The following GABRB1 variants were observed in gnomAD, a reference collection of about 807,000 sequenced individuals.
GABRB1 encodes gamma-aminobutyric acid type A receptor subunit beta1.
A neutral mutation model predicts 51.6 loss-of-function variants in GABRB1; 17 were observed. The ratio of observed to expected loss-of-function variants is 0.33; its 90% CI spans 0.23 to 0.49. The LOEUF is 0.49. Among genes scored for constraint, GABRB1 ranks in the 20% least tolerant of loss-of-function variants. The pLI is 0.99. For synonymous variants in GABRB1, 247 were observed against 218.9 expected, an observed-to-expected ratio of 1.13 and a Z score of -1.14; for missense variants, 410 against 600.6, an observed-to-expected ratio of 0.68 and a Z score of 3.32.
intron 3 of GABRB1, among the ~76,000 whole-genome samples, chr4:47,090,103 A>G (rs1269148277): frequency 6.6e-6 from 1 of 152,232 alleles, no homozygotes; most frequent in East Asian, 1.9e-4. Flanking sequence ...TGTTGAATAT[A>G]AAACAACTAC....
intron 3 of GABRB1, among the ~76,000 whole-genome samples, chr4:47,142,413 G>A (rs1197136443): frequency 6.6e-6 from 1 of 151,906 alleles, no homozygotes; most frequent in African/African-American, 2.4e-5. Context: ...TCAAGATAGG[G>A]ACAGAAATAA....
At chr4:47,024,375 A>T (rs908687446) in intron 1 of GABRB1, among the ~76,000 whole-genome samples, 1 of 151,976 alleles carries the variant, frequency 6.6e-6, no homozygotes, top group African/African-American at 2.4e-5. Context: ...CACAAATTAA[A>T]ACCATTCCAT....
chr4:47,092,587 T>G (rs1013052780), intron 3 of GABRB1, among the ~76,000 whole-genome samples: 6 of 151,570 alleles, frequency 4.0e-5, no homozygotes, highest in African/African-American at 1.5e-4. Flanking sequence ...TTTGCAGATA[T>G]CAGTTGGCAT....
chr4:47,127,521 G>T (rs35175599), intron 3 of GABRB1, among the ~76,000 whole-genome samples: 37,438 of 151,478 alleles, frequency 0.25, 5,945 homozygotes, highest in Middle Eastern at 0.43. Context: ...ACCATATCTA[G>T]GACTCTCACT....
intron 8 of GABRB1, among the ~76,000 whole-genome samples, chr4:47,415,929 C>G (rs768696453): frequency 1.6e-4 from 25 of 152,114 alleles, no homozygotes; most frequent in Non-Finnish European, 1.3e-4. Context: ...AGAGATGACT[C>G]AAAGTATAAG....
chr4:47,133,167 A>G lies in GABRB1; in HGVS notation c.241-28082A>G, dbSNP rs530544229. Among the ~76,000 whole-genome samples, 8 of 152,344 alleles carry G rather than the reference A, an allele frequency of 5.3e-5. No homozygotes were observed. In the South Asian group the frequency reaches 1.4e-3, roughly 28 times the overall value. The stretch of plus-strand genomic sequence containing the variant: ...AAATGTATCTGTTTTGTTAAAATGT[A>G]TATTCTCTAGCACCTTGAGCACAGC... On this transcript the variant is annotated intron_variant, in intron 3 of 8. Transcript: ENST00000295454.
chr4:47,043,272 G>A (rs1725936231), intron 3 of GABRB1: 1 of 152,024 alleles, frequency 6.6e-6, no homozygotes, highest in Admixed American at 6.6e-5. Context: ...TAAAAAATTT[G>A]GAGAGTAGGA....
At chr4:47,324,090 T>G (rs1725171981) in intron 5 of GABRB1, among the ~76,000 whole-genome samples, 1 of 152,092 alleles carries the variant, frequency 6.6e-6, no homozygotes, top group Non-Finnish European at 1.5e-5. Flanking sequence ...CTTAATCTCA[T>G]CCACTCATTT....
chr4:47,419,306 T>C (rs1348837954), intron 8 of GABRB1, among the ~76,000 whole-genome samples: 1 of 152,168 alleles, frequency 6.6e-6, no homozygotes, highest in Non-Finnish European at 1.5e-5. Context: ...CTTTATGAAG[T>C]AGAATTCCAG....
At chr4:47,040,506 T>C (rs1725792884) in intron 3 of GABRB1, among the ~76,000 whole-genome samples, 1 of 152,102 alleles carries the variant, frequency 6.6e-6, no homozygotes, top group Non-Finnish European at 1.5e-5. Context: ...TATTAAGTGA[T>C]TGACATCGGG....
intron 3 of GABRB1, among the ~76,000 whole-genome samples, chr4:47,066,769 C>G (rs928687906): frequency 2.0e-5 from 3 of 152,100 alleles, no homozygotes; most frequent in African/African-American, 7.2e-5. Flanking sequence ...TCAAAATCAT[C>G]CATGAGGGTT....
In GABRB1 at chr4:47,406,886, G is replaced by A. The variant is rs565774468; in HGVS notation, c.1040G>A (p.Ser347Asn). 6.2e-7 allele frequency: 1 copy of A among 1,614,110 alleles called. No homozygotes were observed. The highest frequency in any genetic ancestry group is 1.1e-5 in the South Asian group (1 of 91,078). The change falls in exon 8 of 9, where the codon AGT becomes AAT. Residue 347 changes from serine to asparagine, a missense_variant. Transcript: ENST00000295454. ...AAGGGAGCTAGCAAACAAGACCAGA[G>A]TGCCAATGAGAAGAATAAACTGGAG... ...QKKGASKQDQ[S>N]ANEKNKLEMN...
At chr4:47,395,991 A>G (rs1354942064) in intron 5 of GABRB1, among the ~76,000 whole-genome samples, 1 of 152,158 alleles carries the variant, frequency 6.6e-6, no homozygotes, top group Non-Finnish European at 1.5e-5. Flanking sequence ...ATGGCTTTAT[A>G]ATAGTGCATT....
At chr4:47,315,315 T>C (rs1724845256) in intron 4 of GABRB1, among the ~76,000 whole-genome samples, 1 of 151,682 alleles carries the variant, frequency 6.6e-6, no homozygotes, top group Non-Finnish European at 1.5e-5. Context: ...AAAATGCATA[T>C]AAAACCACAA....
At chr4:47,276,306 A>G (rs969982317) in intron 4 of GABRB1, among the ~76,000 whole-genome samples, 6 of 152,136 alleles carry the variant, frequency 3.9e-5, no homozygotes, top group African/African-American at 1.4e-4. Flanking sequence ...ATATATTTAC[A>G]ATAATTATGT....
rs544187821 is a variant in GABRB1, at chr4:47,265,731, A to T, written c.462-54396A>T. The stretch of plus-strand genomic sequence containing the variant: ...TTTTTCATATGCTTGTTGGCCATTT[A>T]TATGCCTTCTTTTGAGAAATGTCTG... On this transcript the variant is annotated intron_variant, in intron 4 of 8. Coordinates refer to ENST00000295454, the MANE Select transcript of GABRB1 (RefSeq NM_000812.4). 2.0e-5 allele frequency among the ~76,000 whole-genome samples: 3 copies of T among 152,178 alleles called. No individual in the cohort carries two copies. The South Asian group carries it at 6.2e-4, about 32-fold the overall frequency.
At chr4:47,206,866 A>G (rs921641219) in intron 4 of GABRB1, among the ~76,000 whole-genome samples, 4 of 151,526 alleles carry the variant, frequency 2.6e-5, no homozygotes, top group South Asian at 2.1e-4. Flanking sequence ...ATGTATATAT[A>G]TGTGTGTGTG....
chr4:47,085,321 G>T (rs1249589152), intron 3 of GABRB1, among the ~76,000 whole-genome samples: 1 of 152,132 alleles, frequency 6.6e-6, no homozygotes. Flanking sequence ...TATAGTACAT[G>T]TGTTATTCTA....
chr4:47,330,479 T>A (rs1388531052), intron 5 of GABRB1, among the ~76,000 whole-genome samples: 1 of 152,160 alleles, frequency 6.6e-6, no homozygotes, highest in Non-Finnish European at 1.5e-5. Flanking sequence ...AAGTAGACAA[T>A]AGTCAGAAGC....
Sources: gnomAD v4.1 joint callset for allele counts (sites outside exome capture counted in the v4.1 genomes callset) on GRCh38, gnomAD v4.1.1 for gene constraint, MANE v1.5 for transcripts, NCBI Gene and HGNC (gene_info 2026-07-23, HGNC 2026-07-21) for gene names.